Variants in ASTN1 observed in about 807,000 individuals in gnomAD.
The protein encoded by ASTN1 is astrotactin 1.
ASTN1 carries 41 observed loss-of-function variants against 140.7 expected under a neutral mutation model. The observed-to-expected ratio is 0.29, with a 90% CI of 0.23 to 0.38. The LOEUF (loss-of-function observed/expected upper bound fraction) is 0.38. Among genes scored for constraint, ASTN1 ranks in the 10% least tolerant of loss-of-function variants. ASTN1 has a pLI of 1.00. For missense variants in ASTN1, 1,479 were observed against 1,678.8 expected (o/e 0.88, Z 2.08); for synonymous variants, 640 against 652.2 (o/e 0.98, Z 0.29).
chr1:177,158,223 G>T (rs1683323672), intron 1 of ASTN1, among the ~76,000 whole-genome samples: 1 of 152,128 alleles, frequency 6.6e-6, no homozygotes, highest in African/African-American at 2.4e-5. Flanking sequence ...GAAATCTAGA[G>T]ATCTGTACAA....
chr1:177,110,326 T>C (rs1354399003), intron 1 of ASTN1, among the ~76,000 whole-genome samples: 1 of 152,208 alleles, frequency 6.6e-6, no homozygotes, highest in Non-Finnish European at 1.5e-5. Context: ...AGTGTAAAAA[T>C]AAGTAACATT....
At position 176,949,371 on chromosome 1, in the gene ASTN1, T is replaced by C; in HGVS notation, c.1888-20A>G. ...TGGGCACTGGCACAATCAGAAAACA[T>C]CCACATACGTGGGTGAATCGGGGAA... On this transcript the variant is annotated intron_variant, in intron 11 of 22. Coordinates refer to ENST00000361833, the MANE Select transcript of ASTN1 (RefSeq NM_004319.3). The C allele has an allele frequency of 6.2e-7, 1 of 1,604,798 alleles. No individual in the cohort carries two copies. Among genetic ancestry groups the C allele is most frequent in the Non-Finnish European group, 8.5e-7 (1 of 1,173,858 alleles).
At position 176,863,448 on chromosome 1, in the gene ASTN1, T is replaced by A; in HGVS notation, c.*836A>T. On this transcript the variant is annotated 3_prime_UTR_variant, in exon 23 of 23. Coordinates refer to ENST00000361833, the MANE Select transcript of ASTN1 (RefSeq NM_004319.3). ...GAAGTCTATCCAAAGGAAGCATGGTTTTTTTAAAAAACAATAAACTCCAAG... is the reference window on the plus strand; with the variant it reads ...GAAGTCTATCCAAAGGAAGCATGGTATTTTTAAAAAACAATAAACTCCAAG... 5 of 985,776 alleles carry A rather than the reference T, an allele frequency of 5.1e-6. No individual in the cohort carries two copies. Among genetic ancestry groups the A allele is most frequent in the Non-Finnish European group, 6.0e-6 (5 of 829,892 alleles). 61.1% of individuals were successfully genotyped at this position (985,776 alleles called of 1,614,324 possible). A position where few individuals can be genotyped will look rare whatever the true frequency, so the allele number is the denominator to read the frequency against.
chr1:176,941,098 A>G (rs1671693821), intron 14 of ASTN1, among the ~76,000 whole-genome samples: 1 of 152,218 alleles, frequency 6.6e-6, no homozygotes, highest in Non-Finnish European at 1.5e-5. Context: ...AAATCCTCTG[A>G]GCTAAATTTA....
intron 1 of ASTN1, among the ~76,000 whole-genome samples, chr1:177,079,377 A>G (rs1679070645): frequency 6.6e-6 from 1 of 152,204 alleles, no homozygotes; most frequent in Non-Finnish European, 1.5e-5. Flanking sequence ...GGTCTCTTTC[A>G]GCCTGCACAT....
chr1:176,966,093 G>T (rs1270240935), intron 8 of ASTN1, among the ~76,000 whole-genome samples: 1 of 152,142 alleles, frequency 6.6e-6, no homozygotes, highest in Non-Finnish European at 1.5e-5. Context: ...CTGAGCTATT[G>T]CACACACTAG....
rs567700609 is a variant in ASTN1, at chr1:177,056,413, A to G, written c.471+4665T>C. On this transcript the variant is annotated intron_variant, in intron 2 of 22. Coordinates refer to ENST00000361833, the MANE Select transcript of ASTN1 (RefSeq NM_004319.3). ...GCTAAGGCCTCTGATGGCAGCCAGC[A>G]GTAGAAGGCCATGGGGGCCTCCAGA... Among the ~76,000 whole-genome samples the G allele has an allele frequency of 8.5e-5, 13 of 152,282 alleles. 1 individual carries two copies. In the South Asian group the frequency reaches 2.7e-3, roughly 32 times the overall value.
At chr1:176,955,334 A>G (rs1016250380) in intron 11 of ASTN1, among the ~76,000 whole-genome samples, 1 of 152,098 alleles carries the variant, frequency 6.6e-6, no homozygotes, top group Non-Finnish European at 1.5e-5. Flanking sequence ...CTCACTGGAG[A>G]TGGGTCAGGC....
intron 15 of ASTN1, among the ~76,000 whole-genome samples, chr1:176,934,577 T>G (rs1014399551): frequency 2.6e-5 from 4 of 152,114 alleles, no homozygotes; most frequent in Non-Finnish European, 4.4e-5. Context: ...AAGCAAAACA[T>G]TGCCAAACCT....
At chr1:177,096,432 T>A (rs1680028620) in intron 1 of ASTN1, among the ~76,000 whole-genome samples, 1 of 152,082 alleles carries the variant, frequency 6.6e-6, no homozygotes, top group South Asian at 2.1e-4. Flanking sequence ...TGTGATGGTA[T>A]TAGGAGTTGG....
chr1:177,026,695 G>A (rs941446539), intron 5 of ASTN1, among the ~76,000 whole-genome samples: 3 of 152,172 alleles, frequency 2.0e-5, no homozygotes, highest in African/African-American at 7.2e-5. Context: ...TTGGATAAAA[G>A]CCATTTTAAC....
At chr1:176,991,165 T>C (rs1674140118) in intron 8 of ASTN1, among the ~76,000 whole-genome samples, 1 of 151,814 alleles carries the variant, frequency 6.6e-6, no homozygotes, top group African/African-American at 2.4e-5. Flanking sequence ...CCCAGCACTG[T>C]GGGAGGCTGA....
At chr1:176,929,868 C>T (rs1046398093) in intron 16 of ASTN1, among the ~76,000 whole-genome samples, 3 of 152,086 alleles carry the variant, frequency 2.0e-5, no homozygotes, top group African/African-American at 7.2e-5. Flanking sequence ...ATTAGCCAGG[C>T]GTGGTGGCAG....
At chr1:176,982,381 C>A (rs550452974) in intron 8 of ASTN1, among the ~76,000 whole-genome samples, 1 of 152,176 alleles carries the variant, frequency 6.6e-6, no homozygotes, top group Non-Finnish European at 1.5e-5. Context: ...GCTTATTGGA[C>A]GCCTTTGCTA....
At chr1:177,016,390 C>T (rs768156110) in intron 7 of ASTN1, among the ~76,000 whole-genome samples, 7 of 151,160 alleles carry the variant, frequency 4.6e-5, no homozygotes, top group Admixed American at 3.9e-4. Flanking sequence ...CTGGCTTCTA[C>T]ATGGGCTGGA....
At chr1:176,899,332 G>T (rs1222191934) in intron 16 of ASTN1, among the ~76,000 whole-genome samples, 2 of 152,150 alleles carry the variant, frequency 1.3e-5, no homozygotes, top group African/African-American at 4.8e-5. Flanking sequence ...GCACATGAGG[G>T]TGACAAAAGT....
At chr1:177,126,246 C>T (rs1681640591) in intron 1 of ASTN1, among the ~76,000 whole-genome samples, 1 of 152,162 alleles carries the variant, frequency 6.6e-6, no homozygotes, top group African/African-American at 2.4e-5. Flanking sequence ...CCCTCAGCTG[C>T]TTGCTCCATT....
In ASTN1 at chr1:177,015,741, A is replaced by G. The variant is rs74838150; in HGVS notation, c.1439-866T>C. Among the ~76,000 whole-genome samples the G allele has an allele frequency of 6.1e-3, 924 of 152,270 alleles. 9 individuals carry two copies. Among genetic ancestry groups the G allele is most frequent in the African/African-American group, 0.021 (861 of 41,542 alleles). Reference sequence around the variant, plus strand: ...TCCCATAACATTCATCTTATTTACAAGTAAATCCAAGATCCCCAAAAGATT... The same window carrying G: ...TCCCATAACATTCATCTTATTTACAGGTAAATCCAAGATCCCCAAAAGATT... On this transcript the variant is annotated intron_variant, in intron 7 of 22. Transcript: ENST00000361833.
intron 5 of ASTN1, among the ~76,000 whole-genome samples, chr1:177,025,326 A>C (rs1676051900): frequency 6.6e-6 from 1 of 152,230 alleles, no homozygotes; most frequent in Admixed American, 6.5e-5. Context: ...TGCTCTCCAC[A>C]GTCCTGGAAT....
Sources: allele counts gnomAD v4.1 joint callset (sites outside exome capture counted in the v4.1 genomes callset), GRCh38; gene constraint gnomAD v4.1.1; transcripts MANE v1.5; gene names NCBI Gene and HGNC (gene_info 2026-07-23, HGNC 2026-07-21).